Variants in KIAA1549L observed in about 807,000 individuals in gnomAD.
KIAA1549L encodes the protein UPF0606 protein KIAA1549L.
A neutral mutation model predicts 160.7 loss-of-function variants in KIAA1549L; 88 were observed. The ratio of observed to expected loss-of-function variants is 0.55; its 90% confidence interval spans 0.46 to 0.65. The LOEUF (loss-of-function observed/expected upper bound fraction) is 0.65, where lower values mean the gene tolerates loss of function less well. Ranked by LOEUF, KIAA1549L falls within the 30% of genes least tolerant of loss-of-function variation. The probability of loss-of-function intolerance (pLI) is 0.00; values close to 1 mark genes in which losing one functional copy is unlikely to be tolerated. For synonymous variants in KIAA1549L, 950 were observed against 976.7 expected, an observed-to-expected ratio of 0.97 and a Z score of 0.51; for missense variants, 2,258 against 2,437.5, an observed-to-expected ratio of 0.93 and a Z score of 1.55.
At chr11:33,426,235 C>T (rs775524142) in intron 1 of KIAA1549L, among the ~76,000 whole-genome samples, 1 of 152,158 alleles carries the variant, frequency 6.6e-6, no homozygotes, top group Non-Finnish European at 1.5e-5. Flanking sequence ...GCGTATTGAA[C>T]TCTCTGCACT....
intron 16 of KIAA1549L, among the ~76,000 whole-genome samples, chr11:33,622,095 T>C (rs1240526952): frequency 6.6e-6 from 1 of 152,160 alleles, no homozygotes; most frequent in Non-Finnish European, 1.5e-5. Flanking sequence ...GGTTGATTCA[T>C]TGGTGCATCT....
intron 1 of KIAA1549L, among the ~76,000 whole-genome samples, chr11:33,433,857 A>G (rs1301272103): frequency 6.6e-6 from 1 of 152,100 alleles, no homozygotes; most frequent in Non-Finnish European, 1.5e-5. Context: ...CAAACACCAC[A>G]TGTTCTCACT....
At chr11:33,655,330 A>T (rs57203826) in intron 17 of KIAA1549L, among the ~76,000 whole-genome samples, 251 of 152,276 alleles carry the variant, frequency 1.6e-3, no homozygotes, top group African/African-American at 5.8e-3. Flanking sequence ...CCCATTTCAG[A>T]AGAGGTCCAG....
chr11:33,552,100 C>A lies in KIAA1549L; in HGVS notation c.3722-8C>A, dbSNP rs779843935. 9 of 1,613,372 alleles carry A rather than the reference C, an allele frequency of 5.6e-6. No individual in the cohort carries two copies. In the South Asian group the frequency reaches 9.9e-5, roughly 18 times the overall value. On this transcript the variant is annotated splice_polypyrimidine_tract_variant and splice_region_variant and intron_variant, in intron 5 of 20. Coordinates refer to ENST00000658780, the MANE Select transcript of KIAA1549L (RefSeq NM_012194.3). ...TTAGTGAGCACTGATTGACTTCTCTCATTCTAGTGCTGCAGTTTGTGAGCC... is the reference window on the plus strand; with the variant it reads ...TTAGTGAGCACTGATTGACTTCTCTAATTCTAGTGCTGCAGTTTGTGAGCC...
At chr11:33,534,052 C>T (rs896626003) in intron 1 of KIAA1549L, among the ~76,000 whole-genome samples, 17 of 152,266 alleles carry the variant, frequency 1.1e-4, no homozygotes, top group African/African-American at 4.1e-4. Context: ...CAAACCATTA[C>T]TGTCTGTCTC....
chr11:33,488,704 C>T (rs762149195), intron 1 of KIAA1549L, among the ~76,000 whole-genome samples: 23 of 152,178 alleles, frequency 1.5e-4, no homozygotes, highest in Non-Finnish European at 2.8e-4. Flanking sequence ...CAGAAAGGCT[C>T]GTTCCTAACA....
Position 33,459,995 on chromosome 11 carries a change from A to G in KIAA1549L, c.239-81807A>G, listed in dbSNP as rs555595860. On this transcript the variant is annotated intron_variant, in intron 1 of 20. Transcript: ENST00000658780. ...AAAAAAAAGAAATAGCCTTCATCCC[A>G]CTTGCTCCTTAAATCTTTATGTCTT... 1.0e-4 allele frequency among the ~76,000 whole-genome samples: 15 copies of G among 144,478 alleles called. No individual in the cohort carries two copies. The South Asian group carries it at 1.5e-3, about 15-fold the overall frequency. The allele number at this position is 144,478 out of a possible 152,430, so 94.8% of individuals were successfully genotyped here. A position where few individuals can be genotyped will look rare whatever the true frequency, so the allele number is the denominator to read the frequency against.
chr11:33,666,335 G>A (rs1470571907), intron 20 of KIAA1549L, among the ~76,000 whole-genome samples: 1 of 152,206 alleles, frequency 6.6e-6, no homozygotes, highest in Non-Finnish European at 1.5e-5. Flanking sequence ...CAGTATGATG[G>A]CAGCAGCCTC....
At chr11:33,463,475 T>TAA (rs1851983740) in intron 1 of KIAA1549L, among the ~76,000 whole-genome samples, 1 of 152,042 alleles carries the variant, frequency 6.6e-6, no homozygotes. Context: ...AAATTAATAA[T>TAA]AAATACCAAC....
intron 1 of KIAA1549L, among the ~76,000 whole-genome samples, chr11:33,386,845 T>G (rs1054126888): frequency 7.9e-5 from 12 of 151,538 alleles, no homozygotes; most frequent in African/African-American, 2.7e-4. Context: ...GGTGGCTCAA[T>G]CCTGTAATCC....
At chr11:33,570,863 G>C (rs1468326767) in intron 9 of KIAA1549L, among the ~76,000 whole-genome samples, 1 of 152,168 alleles carries the variant, frequency 6.6e-6, no homozygotes, top group African/African-American at 2.4e-5. Context: ...CCAAAGATTA[G>C]TAAAATACTA....
chr11:33,652,172 C>G (rs975015770), intron 17 of KIAA1549L, among the ~76,000 whole-genome samples: 1 of 151,708 alleles, frequency 6.6e-6, no homozygotes, highest in African/African-American at 2.4e-5. Context: ...GCAACAGTTT[C>G]GTGCAATAGC....
chr11:33,428,991 G>A (rs935202799), intron 1 of KIAA1549L, among the ~76,000 whole-genome samples: 3 of 151,952 alleles, frequency 2.0e-5, no homozygotes, highest in Non-Finnish European at 4.4e-5. Flanking sequence ...TTGTTTTTGA[G>A]GCAGAGTTTT....
chr11:33,591,542 T>G (rs1850054130), intron 12 of KIAA1549L, 121 bp downstream of exon 12: 1 of 764,408 alleles, frequency 1.3e-6, no homozygotes, highest in Admixed American at 2.9e-5. Flanking sequence ...CATGCTCATT[T>G]TGAATATTTG....
At chr11:33,595,134 C>T (rs1469900029) in intron 12 of KIAA1549L, among the ~76,000 whole-genome samples, 1 of 152,060 alleles carries the variant, frequency 6.6e-6, no homozygotes, top group East Asian at 1.9e-4. Context: ...TAATCAATTA[C>T]CCCCAAATTT....
intron 1 of KIAA1549L, among the ~76,000 whole-genome samples, chr11:33,395,397 T>C (rs1208983924): frequency 6.6e-6 from 1 of 152,222 alleles, no homozygotes; most frequent in Non-Finnish European, 1.5e-5. Flanking sequence ...ATAAGGTAAA[T>C]GTGAAAATTA....
chr11:33,496,602 T>G (rs1414316960), intron 1 of KIAA1549L, among the ~76,000 whole-genome samples: 1 of 152,192 alleles, frequency 6.6e-6, no homozygotes, highest in African/African-American at 2.4e-5. Context: ...ATGGTAAACC[T>G]TGGCAGACCA....
intron 1 of KIAA1549L, among the ~76,000 whole-genome samples, chr11:33,533,000 C>T (rs1853809494): frequency 6.6e-6 from 1 of 152,156 alleles, no homozygotes; most frequent in African/African-American, 2.4e-5. Context: ...TCCAGGGCAG[C>T]ATTGAACCTG....
intron 15 of KIAA1549L, among the ~76,000 whole-genome samples, chr11:33,615,723 T>A (rs189326199): frequency 5.2e-4 from 79 of 152,254 alleles, no homozygotes; most frequent in Non-Finnish European, 8.7e-4. Flanking sequence ...GCTTACACAC[T>A]CTCGCTATTG....
Sources: allele counts gnomAD v4.1 joint callset (sites outside exome capture counted in the v4.1 genomes callset), GRCh38; gene constraint gnomAD v4.1.1; transcripts MANE v1.5; gene names NCBI Gene and HGNC (gene_info 2026-07-23, HGNC 2026-07-21).